The following EHHADH variants were observed in gnomAD, a reference collection of about 807,000 sequenced individuals.
EHHADH encodes peroxisomal bifunctional enzyme.
Under a neutral mutation model 64.4 loss-of-function variants are expected in EHHADH, and 48 were observed. That is an observed-to-expected ratio of 0.75 (90% CI 0.59 to 0.95). EHHADH has a LOEUF of 0.95. EHHADH is among the 40% of genes least tolerant of loss of function. The pLI, the probability that EHHADH is intolerant of heterozygous loss-of-function variation, is 0.00. For missense variants in EHHADH, 854 were observed against 876.6 expected (o/e 0.97, Z 0.33); for synonymous variants, 308 against 326.7 (o/e 0.94, Z 0.62).
chr3:185,228,278 ATG>A (rs1491531283), intron 4 of EHHADH, among the ~76,000 whole-genome samples: 4 of 50,292 alleles, frequency 8.0e-5, no homozygotes, highest in East Asian at 3.5e-4. Context: ...ATATATATAT[ATG>A]GAGAGAGAGA....
At chr3:185,222,305 C>T (rs924372663) in intron 4 of EHHADH, among the ~76,000 whole-genome samples, 2 of 152,082 alleles carry the variant, frequency 1.3e-5, no homozygotes, top group Non-Finnish European at 2.9e-5. Flanking sequence ...ACTACTTGAA[C>T]CTGGGAGGCG....
At chr3:185,205,827 G>C (rs942328049) in intron 5 of EHHADH, among the ~76,000 whole-genome samples, 3 of 151,918 alleles carry the variant, frequency 2.0e-5, no homozygotes, top group Non-Finnish European at 2.9e-5. Flanking sequence ...GCAACCAGAG[G>C]GAACAGAACT....
At chr3:185,196,375 T>A (rs1718064962) in intron 6 of EHHADH, among the ~76,000 whole-genome samples, 1 of 152,172 alleles carries the variant, frequency 6.6e-6, no homozygotes, top group South Asian at 2.1e-4. Flanking sequence ...AAATGGAGAA[T>A]ATTATTCGGC....
At chr3:185,241,277 T>C (rs923800790) in intron 2 of EHHADH, among the ~76,000 whole-genome samples, 1 of 152,196 alleles carries the variant, frequency 6.6e-6, no homozygotes, top group Non-Finnish European at 1.5e-5. Flanking sequence ...TGTGTGCAAG[T>C]ATCTTTTTCG....
intron 5 of EHHADH, among the ~76,000 whole-genome samples, chr3:185,209,262 T>C (rs987942992): frequency 2.0e-5 from 3 of 152,206 alleles, no homozygotes; most frequent in African/African-American, 7.2e-5. Context: ...AAAAGCACCA[T>C]GCTTCTGGAT....
intron 4 of EHHADH, among the ~76,000 whole-genome samples, chr3:185,227,561 C>T (rs1301738700): frequency 2.0e-5 from 3 of 151,794 alleles, no homozygotes; most frequent in African/African-American, 7.3e-5. Context: ...CCCAGTGGCT[C>T]ACACCTGTAA....
chr3:185,250,217 T>C (rs1719708966), intron 1 of EHHADH, among the ~76,000 whole-genome samples: 1 of 152,132 alleles, frequency 6.6e-6, no homozygotes, highest in Admixed American at 6.5e-5. Flanking sequence ...AGTGGAAAGA[T>C]AGGGCATGTA....
At chr3:185,205,356 G>A (rs1409094393) in intron 5 of EHHADH, among the ~76,000 whole-genome samples, 1 of 152,052 alleles carries the variant, frequency 6.6e-6, no homozygotes, top group Non-Finnish European at 1.5e-5. Flanking sequence ...AGAGACTCTA[G>A]TGTCTATTAT....
chr3:185,219,943 G>T (rs759599453), intron 4 of EHHADH, among the ~76,000 whole-genome samples: 2 of 152,154 alleles, frequency 1.3e-5, no homozygotes, highest in Non-Finnish European at 2.9e-5. Context: ...CTGAAAACAG[G>T]CTTTCAGATC....
intron 6 of EHHADH, among the ~76,000 whole-genome samples, chr3:185,202,338 C>A (rs1460768494): frequency 1.0e-4 from 13 of 126,266 alleles, no homozygotes; most frequent in South Asian, 5.2e-4. Flanking sequence ...AACTCCATAT[C>A]AAAAAAAAAA....
intron 1 of EHHADH, chr3:185,253,190 A>T (rs1424992152): frequency 6.6e-6 from 1 of 152,538 alleles, no homozygotes; most frequent in African/African-American, 2.4e-5. Flanking sequence ...GCCAGGGCAA[A>T]ATTCTGCTTT....
intron 1 of EHHADH, 163 bp downstream of exon 1, chr3:185,253,782 GAAAA>G (rs1459906021): frequency 1.6e-6 from 2 of 1,273,558 alleles, no homozygotes; most frequent in African/African-American, 1.6e-5. Context: ...AAAAAGAAAA[GAAAA>G]AGAAAGAAAG....
intron 5 of EHHADH, among the ~76,000 whole-genome samples, chr3:185,217,545 C>CAG (rs1553777824): frequency 1.1e-4 from 3 of 27,030 alleles, no homozygotes; most frequent in Non-Finnish European, 1.6e-4. Flanking sequence ...GACTCTGTCT[C>CAG]AGAAAAAAAA....
chr3:185,199,534 G>C (rs1412894697), intron 6 of EHHADH, among the ~76,000 whole-genome samples: 3 of 152,346 alleles, frequency 2.0e-5, no homozygotes, highest in South Asian at 4.1e-4. Context: ...ACTGTGGCCT[G>C]TAGGCCAAAC....
intron 4 of EHHADH, among the ~76,000 whole-genome samples, chr3:185,222,083 G>A (rs528298289): frequency 6.6e-6 from 1 of 152,024 alleles, no homozygotes; most frequent in African/African-American, 2.4e-5. Context: ...TTTTGTCTGG[G>A]TGTAGAAATC....
chr3:185,217,887 C>G (rs1718731534), intron 5 of EHHADH, among the ~76,000 whole-genome samples: 1 of 151,710 alleles, frequency 6.6e-6, no homozygotes, highest in South Asian at 2.1e-4. Flanking sequence ...GCCTCAGCCT[C>G]CCGAGTAGCT....
intron 5 of EHHADH, among the ~76,000 whole-genome samples, chr3:185,213,280 C>G (rs13067124): frequency 6.6e-6 from 1 of 152,160 alleles, no homozygotes; most frequent in East Asian, 1.9e-4. Context: ...TCAACATCAC[C>G]TAAGCATGTT....
At chr3:185,194,538 G>A (rs894585854) in intron 6 of EHHADH, among the ~76,000 whole-genome samples, 1 of 151,892 alleles carries the variant, frequency 6.6e-6, no homozygotes, top group Admixed American at 6.6e-5. Flanking sequence ...CTTGAACCCA[G>A]GTGGCAGAGG....
intron 4 of EHHADH, among the ~76,000 whole-genome samples, chr3:185,224,292 C>T (rs940361084): frequency 1.3e-5 from 2 of 151,544 alleles, no homozygotes; most frequent in African/African-American, 4.8e-5. Flanking sequence ...TTGAGGTCGG[C>T]GGTTTGAGAC....
Sources: allele counts gnomAD v4.1 joint callset (sites outside exome capture counted in the v4.1 genomes callset), GRCh38; gene constraint gnomAD v4.1.1; transcripts MANE v1.5; gene names NCBI Gene and HGNC (gene_info 2026-07-23, HGNC 2026-07-21).